NR3C2: variants seen among roughly 807,000 people sequenced by gnomAD.
NR3C2 encodes mineralocorticoid receptor.
NR3C2 carries 15 observed loss-of-function variants against 86.4 expected under a neutral mutation model. The ratio of observed to expected loss-of-function variants is 0.17; its 90% CI spans 0.12 to 0.27. The LOEUF is 0.27. Ranked by LOEUF, NR3C2 falls within the 10% of genes least tolerant of loss-of-function variation. The pLI is 1.00. For missense variants in NR3C2, 960 were observed against 1,195.6 expected (o/e 0.80, Z 2.91); for synonymous variants, 458 against 450.5 (o/e 1.02, Z -0.21).
intron 3 of NR3C2, chr4:148,201,232 C>T (rs533318903): frequency 2.0e-5 from 3 of 152,260 alleles, no homozygotes; most frequent in South Asian, 2.1e-4. Flanking sequence ...CTGTCAAGTC[C>T]GAGCTCTTAT....
rs1735821987 is a variant in NR3C2 at position 148,184,930 on chromosome 4, T to C, written c.2014+9816A>G. Among the ~76,000 whole-genome samples, 4 of 152,210 alleles carry C rather than the reference T, an allele frequency of 2.6e-5. No individual in the cohort carries two copies. The South Asian group carries it at 8.3e-4, about 32-fold the overall frequency. On this transcript the variant is annotated intron_variant, in intron 4 of 8. Coordinates refer to ENST00000358102, the MANE Select transcript of NR3C2 (RefSeq NM_000901.5). ...TATCTCACTGCCTGGGCAAGCCACTTAACTTCTCTGGGCACCAGAGGCCCA... is the reference window on the plus strand; with the variant it reads ...TATCTCACTGCCTGGGCAAGCCACTCAACTTCTCTGGGCACCAGAGGCCCA...
intron 2 of NR3C2, among the ~76,000 whole-genome samples, chr4:148,373,688 G>A (rs964403208): frequency 3.9e-5 from 6 of 152,010 alleles, no homozygotes; most frequent in Admixed American, 3.9e-4. Context: ...GTATTGGCCA[G>A]GATGGTCTCC....
At chr4:148,310,147 T>C (rs892296908) in intron 2 of NR3C2, among the ~76,000 whole-genome samples, 2 of 152,214 alleles carry the variant, frequency 1.3e-5, no homozygotes, top group Admixed American at 6.5e-5. Context: ...CTAAACTACT[T>C]ACATAGACTT....
Position 148,360,040 on chromosome 4 carries a change from A to T in NR3C2, c.1757+75064T>A, listed in dbSNP as rs531696044. ...CAAGGTAGCAGAACAAAGTGAAAGG[A>T]ATTTCTTAGTAAGAGTGGCTAAGAA... On this transcript the variant is annotated intron_variant, in intron 2 of 8. Coordinates refer to ENST00000358102, the MANE Select transcript of NR3C2 (RefSeq NM_000901.5). 2.6e-5 allele frequency among the ~76,000 whole-genome samples: 4 copies of T among 152,306 alleles called. 1 individual carries two copies. The South Asian group carries it at 8.3e-4, about 32-fold the overall frequency.
rs374801931 is a variant in NR3C2, at chr4:148,436,750, G to A, written c.111C>T (p.Thr37=). ...ERSSLGPTER[T]DENNYMEIVN... The stretch of plus-strand genomic sequence containing the variant: ...CAATCTCCATGTAGTTATTCTCATC[G>A]GTCCTCTCTGTAGGTCCCAGGGAAG... Residue 37 remains threonine (T), a synonymous_variant, in exon 2 of 9, where the codon ACC becomes ACT. Transcript: ENST00000358102. The A allele has an allele frequency of 6.2e-7, 1 of 1,614,052 alleles. No homozygotes were observed. The highest frequency in any genetic ancestry group is 8.5e-7 in the Non-Finnish European group (1 of 1,179,994).
At chr4:148,320,871 A>G (rs1743541715) in intron 2 of NR3C2, among the ~76,000 whole-genome samples, 1 of 148,960 alleles carries the variant, frequency 6.7e-6, no homozygotes, top group Admixed American at 6.7e-5. Flanking sequence ...TTGTGTCTCT[A>G]TTTCCTTCAG....
chr4:148,116,010 A>T (rs1381931444), intron 7 of NR3C2, among the ~76,000 whole-genome samples: 2 of 152,340 alleles, frequency 1.3e-5, no homozygotes, highest in East Asian at 3.9e-4. Flanking sequence ...AAACCTTCTA[A>T]AAGATAGGAA....
chr4:148,361,909 C>T (rs1579205969), intron 2 of NR3C2, among the ~76,000 whole-genome samples: 1 of 152,286 alleles, frequency 6.6e-6, no homozygotes. Context: ...ACGATCTTGG[C>T]TTACTGCAAC....
intron 2 of NR3C2, among the ~76,000 whole-genome samples, chr4:148,270,446 A>G (rs1740624093): frequency 6.6e-6 from 1 of 152,192 alleles, no homozygotes; most frequent in African/African-American, 2.4e-5. Flanking sequence ...CATTTACAGA[A>G]GCTCATTCTA....
At chr4:148,354,158 C>T (rs1376756215) in intron 2 of NR3C2, among the ~76,000 whole-genome samples, 1 of 152,056 alleles carries the variant, frequency 6.6e-6, no homozygotes, top group Non-Finnish European at 1.5e-5. Flanking sequence ...TCTCAGCCTG[C>T]TTGACATGAA....
intron 2 of NR3C2, among the ~76,000 whole-genome samples, chr4:148,299,053 T>C (rs941967664): frequency 2.6e-5 from 4 of 152,212 alleles, no homozygotes; most frequent in Non-Finnish European, 5.9e-5. Flanking sequence ...CAGTATTCAA[T>C]ACGTGAGGTG....
chr4:148,160,335 A>T (rs996871905), intron 4 of NR3C2, among the ~76,000 whole-genome samples: 2 of 151,974 alleles, frequency 1.3e-5, no homozygotes, highest in Non-Finnish European at 2.9e-5. Context: ...TTCTAATGAG[A>T]TCTCAAGATT....
At chr4:148,133,351 T>G (rs1430727497) in intron 6 of NR3C2, among the ~76,000 whole-genome samples, 2 of 152,082 alleles carry the variant, frequency 1.3e-5, no homozygotes, top group Non-Finnish European at 2.9e-5. Context: ...AAACCTTTGG[T>G]GAGATATTAT....
intron 2 of NR3C2, among the ~76,000 whole-genome samples, chr4:148,415,905 C>T (rs1748969129): frequency 6.6e-6 from 1 of 152,130 alleles, no homozygotes; most frequent in Admixed American, 6.5e-5. Flanking sequence ...TCCTATTACT[C>T]ATAGACAAAC....
At position 148,114,245 on chromosome 4, in the gene NR3C2, G is replaced by T; in HGVS notation, c.2658C>A (p.Leu886=). The T allele has an allele frequency of 6.2e-7, 1 of 1,613,944 alleles. No individual in the cohort carries two copies. The highest frequency in any genetic ancestry group is 1.1e-5 in the South Asian group (1 of 91,072). The change falls in exon 8 of 9, where the codon CTC becomes CTA. Residue 886 remains leucine, a synonymous_variant. Transcript: ENST00000358102. ...LLLSTIPKDG[L]KSQAAFEEMR... ...TTTCTTCAAATGCAGCCTGGCTTTTGAGGCCATCCTTTGGAACTGTGTTAA... is the reference window on the plus strand; with the variant it reads ...TTTCTTCAAATGCAGCCTGGCTTTTTAGGCCATCCTTTGGAACTGTGTTAA...
chr4:148,268,547 C>G (rs1377324794), intron 2 of NR3C2, among the ~76,000 whole-genome samples: 1 of 152,112 alleles, frequency 6.6e-6, no homozygotes, highest in Non-Finnish European at 1.5e-5. Context: ...TTAAAAATAC[C>G]TTGGAAAATA....
rs1160581035 is a variant in NR3C2 at position 148,435,718 on chromosome 4, C to T, written c.1143G>A (p.Glu381=). 2 of 1,614,178 alleles carry T rather than the reference C, an allele frequency of 1.2e-6. No homozygotes were observed. Among genetic ancestry groups the T allele is most frequent in the Admixed American group, 1.7e-5 (1 of 60,028 alleles). ...CAGTCACACCATTTGAGATGGCACTCTCTACTTCCTCAGTCTTAGGAAAAG... is the reference window on the plus strand; with the variant it reads ...CAGTCACACCATTTGAGATGGCACTTTCTACTTCCTCAGTCTTAGGAAAAG... The part of the protein sequence containing the change: ...EVPFPKTEEV[E]SAISNGVTGQ... Residue 381 remains glutamate (E), a synonymous_variant, in exon 2 of 9, where the codon GAG becomes GAA. Transcript: ENST00000358102.
At chr4:148,230,034 T>TC (rs1560990106) in intron 3 of NR3C2, among the ~76,000 whole-genome samples, 1 of 152,086 alleles carries the variant, frequency 6.6e-6, no homozygotes, top group African/African-American at 2.4e-5. Context: ...AGACCTTCTG[T>TC]GGGGGTGGGA....
intron 3 of NR3C2, among the ~76,000 whole-genome samples, chr4:148,229,603 C>T (rs2149836353): frequency 6.6e-6 from 1 of 152,204 alleles, no homozygotes; most frequent in South Asian, 2.1e-4. Flanking sequence ...TTAGAGAGTA[C>T]TGACATTCTC....
Sources: gnomAD v4.1 joint callset for allele counts (sites outside exome capture counted in the v4.1 genomes callset) on GRCh38, gnomAD v4.1.1 for gene constraint, MANE v1.5 for transcripts, NCBI Gene and HGNC (gene_info 2026-07-23, HGNC 2026-07-21) for gene names.